Variants in TLR6 observed in about 807,000 individuals in gnomAD.
The protein encoded by TLR6 is toll-like receptor 6.
Under a neutral mutation model 16.1 loss-of-function variants are expected in TLR6, and 9 were observed. That is an observed-to-expected ratio of 0.56 (90% CI 0.34 to 0.98). The LOEUF (loss-of-function observed/expected upper bound fraction) is 0.98. Ranked by LOEUF, TLR6 falls within the 50% of genes least tolerant of loss-of-function variation. The probability of loss-of-function intolerance (pLI) is 0.02; values close to 1 mark genes in which losing one functional copy is unlikely to be tolerated. For synonymous variants in TLR6, 340 were observed against 338.6 expected (o/e 1.00, Z -0.04); for missense variants, 786 against 921.0 (o/e 0.85, Z 1.90).
chr4:38,828,158 A>T, exon 2 of TLR6: 1 of 1,614,246 alleles, frequency 6.2e-7, no homozygotes, highest in Non-Finnish European at 8.5e-7. Context: ...GTCAGTAAGC[A>T]TATTTGAAGA....
exon 2 of TLR6, chr4:38,825,485 C>A (rs1412722305): frequency 6.6e-6 from 1 of 152,204 alleles, no homozygotes; most frequent in Non-Finnish European, 1.5e-5. Flanking sequence ...CTGTAGTTAA[C>A]TATTGAATAA....
chr4:38,839,422 C>T (rs1301823105), intron 1 of TLR6, among the ~76,000 whole-genome samples: 3 of 152,068 alleles, frequency 2.0e-5, no homozygotes, highest in Non-Finnish European at 4.4e-5. Flanking sequence ...AATAGTTATT[C>T]TCTTTTAAAG....
chr4:38,860,282 G>T, upstream of TLR6, among the ~76,000 whole-genome samples: 1 of 151,988 alleles, frequency 6.6e-6, no homozygotes, highest in Non-Finnish European at 1.5e-5. Context: ...AACCAGCCTG[G>T]GCAACATGGT....
the TLR6 span, among the ~76,000 whole-genome samples, chr4:38,864,518 A>T: frequency 6.6e-6 from 1 of 152,266 alleles, no homozygotes; most frequent in Admixed American, 6.5e-5. Context: ...ATCAATCGGG[A>T]AATAAATTGT....
At chr4:38,861,044 T>C (rs1325591690), upstream of TLR6, among the ~76,000 whole-genome samples, 2 of 152,074 alleles carry the variant, frequency 1.3e-5, no homozygotes, top group Non-Finnish European at 2.9e-5. Context: ...GGTCTATATC[T>C]TCTTGGGTGC....
upstream of TLR6, among the ~76,000 whole-genome samples, chr4:38,858,833 A>AGAGAGAG (rs1713116154): frequency 2.8e-4 from 5 of 17,658 alleles, no homozygotes; most frequent in Admixed American, 5.8e-4. Flanking sequence ...GAGAGAGAGG[A>AGAGAGAG]AGAAAGAAAG....
At chr4:38,858,832 G>GA (rs1713115000), upstream of TLR6, among the ~76,000 whole-genome samples, 4 of 50,888 alleles carry the variant, frequency 7.9e-5, no homozygotes, top group South Asian at 7.3e-4. Flanking sequence ...AGAGAGAGAG[G>GA]AAGAAAGAAA....
At chr4:38,855,916 G>C (rs919468380) in intron 1 of TLR6, among the ~76,000 whole-genome samples, 2 of 151,886 alleles carry the variant, frequency 1.3e-5, no homozygotes, top group Non-Finnish European at 2.9e-5. Context: ...AAATAAAAAG[G>C]GTGAGGAAAT....
At chr4:38,856,940 C>T (rs963820219), upstream of TLR6, 1 of 152,164 alleles carries the variant, frequency 6.6e-6, no homozygotes, top group African/African-American at 2.4e-5. Context: ...TTCAAAGGTC[C>T]GGAGGTGAGT....
chr4:38,867,982 G>C, the TLR6 span: 9 of 386,996 alleles, frequency 2.3e-5, no homozygotes, highest in East Asian at 3.5e-4. Context: ...GAGAAGCAGT[G>C]GTCAGGGAGG....
intron 1 of TLR6, among the ~76,000 whole-genome samples, chr4:38,849,585 C>A (rs932299450): frequency 6.6e-6 from 1 of 152,124 alleles, no homozygotes; most frequent in Non-Finnish European, 1.5e-5. Context: ...GGAGGAAGAT[C>A]TACCAAGCAA....
intron 1 of TLR6, chr4:38,843,514 A>G (rs1712377525): frequency 6.6e-6 from 1 of 152,256 alleles, no homozygotes; most frequent in South Asian, 2.1e-4. Flanking sequence ...CCATCAGGGT[A>G]TATATTGGAA....
chr4:38,840,093 G>A (rs1214477349), intron 1 of TLR6, among the ~76,000 whole-genome samples: 3 of 152,168 alleles, frequency 2.0e-5, no homozygotes, highest in Admixed American at 1.3e-4. Flanking sequence ...GAATTTCAAG[G>A]TGTTACCAAT....
intron 1 of TLR6, among the ~76,000 whole-genome samples, chr4:38,845,542 C>T (rs1712487159): frequency 6.6e-6 from 1 of 152,150 alleles, no homozygotes. Flanking sequence ...AAGAACTTGG[C>T]CCATCCTTGC....
intron 1 of TLR6, among the ~76,000 whole-genome samples, chr4:38,846,955 T>C (rs1187390251): frequency 7.2e-5 from 11 of 152,112 alleles, no homozygotes; most frequent in Non-Finnish European, 1.6e-4. Context: ...GGGGAAGGGA[T>C]AGAGCTCAGA....
chr4:38,833,349 C>T (rs1055875518), intron 1 of TLR6, among the ~76,000 whole-genome samples: 13 of 152,330 alleles, frequency 8.5e-5, no homozygotes, highest in African/African-American at 2.6e-4. Flanking sequence ...AACAGGCCTG[C>T]CTGGTGTCCC....
chr4:38,839,722 A>G (rs1712154200), intron 1 of TLR6, among the ~76,000 whole-genome samples: 1 of 152,262 alleles, frequency 6.6e-6, no homozygotes, highest in African/African-American at 2.4e-5. Flanking sequence ...TGTACCAGCC[A>G]ACATTACTTA....
intron 1 of TLR6, among the ~76,000 whole-genome samples, chr4:38,834,907 C>T (rs1054470217): frequency 3.4e-4 from 51 of 152,172 alleles, no homozygotes; most frequent in African/African-American, 1.1e-3. Flanking sequence ...AACGTCTGGA[C>T]GTGAAAAGAT....
At chr4:38,835,641 C>G (rs1711873735) in intron 1 of TLR6, among the ~76,000 whole-genome samples, 1 of 152,162 alleles carries the variant, frequency 6.6e-6, no homozygotes, top group African/African-American at 2.4e-5. Context: ...ATTTACAGAA[C>G]ATTTCATCTG....
Sources: gnomAD v4.1 joint callset for allele counts (sites outside exome capture counted in the v4.1 genomes callset) on GRCh38, gnomAD v4.1.1 for gene constraint, MANE v1.5 for transcripts, NCBI Gene and HGNC (gene_info 2026-07-23, HGNC 2026-07-21) for gene names.